DNER: variants seen among roughly 807,000 people sequenced by gnomAD.
DNER encodes delta and Notch-like epidermal growth factor-related receptor.
DNER carries 33 observed loss-of-function variants against 78.2 expected under a neutral mutation model. The observed-to-expected ratio is 0.42, with a 90% confidence interval of 0.32 to 0.56. DNER has a LOEUF of 0.56. Ranked by LOEUF, DNER falls within the 20% of genes least tolerant of loss-of-function variation. The pLI is 0.11. For missense variants in DNER, 918 were observed against 975.3 expected, an observed-to-expected ratio of 0.94 and a Z score of 0.78; for synonymous variants, 417 against 384.8, an observed-to-expected ratio of 1.08 and a Z score of -0.98.
intron 1 of DNER, among the ~76,000 whole-genome samples, chr2:229,669,369 C>CATACATATATATATATAT (rs1699168050): frequency 2.1e-5 from 3 of 144,748 alleles, no homozygotes; most frequent in Non-Finnish European, 3.0e-5. Flanking sequence ...TGTATACATA[C>CATACATATATATATATAT]ATATATATAT....
At chr2:229,459,012 T>A (rs1694635364) in intron 7 of DNER, among the ~76,000 whole-genome samples, 1 of 152,054 alleles carries the variant, frequency 6.6e-6, no homozygotes, top group Non-Finnish European at 1.5e-5. Context: ...TACTGGCATT[T>A]ATAATATTAT....
chr2:229,701,621 T>C (rs942207793), intron 1 of DNER, among the ~76,000 whole-genome samples: 1 of 152,234 alleles, frequency 6.6e-6, no homozygotes, highest in African/African-American at 2.4e-5. Flanking sequence ...ATTCCAGTGG[T>C]TCTTTTACAG....
rs1398907824 is a variant in DNER, at chr2:229,694,360, G to A, written c.276+19788C>T. The stretch of plus-strand genomic sequence containing the variant: ...AGAGTCCCCACTGGGGAGCTGCCTA[G>A]TGGAGCTGTGAGAAGAGAGCCACTG... On this transcript the variant is annotated intron_variant, in intron 1 of 12. Coordinates refer to ENST00000341772, the MANE Select transcript of DNER (RefSeq NM_139072.4). 8.5e-5 allele frequency among the ~76,000 whole-genome samples: 13 copies of A among 152,232 alleles called. 1 individual carries two copies.
chr2:229,569,473 G>A (rs1297533846), intron 4 of DNER, among the ~76,000 whole-genome samples: 1 of 152,112 alleles, frequency 6.6e-6, no homozygotes, highest in South Asian at 2.1e-4. Flanking sequence ...AGTGAGCCAA[G>A]ATCGAGCCAC....
chr2:229,373,547 T>G (rs1214145979), intron 11 of DNER, among the ~76,000 whole-genome samples: 1 of 152,144 alleles, frequency 6.6e-6, no homozygotes, highest in East Asian at 1.9e-4. Context: ...CTCAAAGAAT[T>G]TAGAACCACT....
intron 7 of DNER, among the ~76,000 whole-genome samples, chr2:229,455,688 G>T (rs1480174735): frequency 6.6e-6 from 1 of 152,062 alleles, no homozygotes; most frequent in Non-Finnish European, 1.5e-5. Flanking sequence ...TGGGAGGTAG[G>T]AGTGTCCCTG....
intron 8 of DNER, among the ~76,000 whole-genome samples, chr2:229,428,175 T>C (rs1693925056): frequency 6.7e-6 from 1 of 150,172 alleles, no homozygotes; most frequent in South Asian, 2.1e-4. Context: ...GGATACAAAA[T>C]CAGATTTGCA....
In DNER at chr2:229,703,964, G is replaced by C. The variant is rs541966903; in HGVS notation, c.276+10184C>G. 1.2e-3 allele frequency among the ~76,000 whole-genome samples: 184 copies of C among 151,912 alleles called. 3 individuals carry two copies. In the South Asian group the frequency reaches 0.036, roughly 30 times the overall value. ...AGGGAAAGGAGAAGCCACAGATTGGGAGAAAATATTTGCAAATCGCATATC... is the reference window on the plus strand; with the variant it reads ...AGGGAAAGGAGAAGCCACAGATTGGCAGAAAATATTTGCAAATCGCATATC... On this transcript the variant is annotated intron_variant, in intron 1 of 12. Coordinates refer to ENST00000341772, the MANE Select transcript of DNER (RefSeq NM_139072.4).
intron 11 of DNER, among the ~76,000 whole-genome samples, chr2:229,383,471 T>C (rs546031662): frequency 1.3e-5 from 2 of 152,040 alleles, no homozygotes; most frequent in African/African-American, 4.8e-5. Flanking sequence ...CAGTGGCAAA[T>C]TGCATAGAGT....
chr2:229,586,936 A>C (rs1697513561), intron 3 of DNER: 1 of 985,472 alleles, frequency 1.0e-6, no homozygotes, highest in Non-Finnish European at 1.2e-6. Flanking sequence ...TGAAAGCGTA[A>C]GGAGCTAGTA....
At chr2:229,642,069 T>C (rs1698635051) in intron 1 of DNER, among the ~76,000 whole-genome samples, 1 of 152,252 alleles carries the variant, frequency 6.6e-6, no homozygotes, top group Admixed American at 6.5e-5. Flanking sequence ...AAAGTCTCAC[T>C]TGTATCACTT....
chr2:229,462,811 A>C (rs1401165972), intron 7 of DNER, among the ~76,000 whole-genome samples: 1 of 152,082 alleles, frequency 6.6e-6, no homozygotes, highest in Non-Finnish European at 1.5e-5. Context: ...ATGCTTCAGA[A>C]GCTGGCCCCA....
chr2:229,500,606 C>A (rs377302794), intron 6 of DNER, among the ~76,000 whole-genome samples: 1 of 152,054 alleles, frequency 6.6e-6, no homozygotes, highest in African/African-American at 2.4e-5. Context: ...GCATTATTTA[C>A]GAATAGTCAA....
intron 1 of DNER, among the ~76,000 whole-genome samples, chr2:229,636,117 A>C (rs1698527424): frequency 1.3e-5 from 2 of 152,188 alleles, no homozygotes; most frequent in Admixed American, 1.3e-4. Context: ...TAACTCCTCC[A>C]AGGCATTGTT....
At chr2:229,513,062 T>C in intron 5 of DNER, 126 bp from the exon 6 acceptor site, 1 of 1,054,168 alleles carries the variant, frequency 9.5e-7, no homozygotes. Context: ...AAATCACTTA[T>C]GTCATAATCT....
intron 4 of DNER, among the ~76,000 whole-genome samples, chr2:229,564,288 C>T (rs1489019724): frequency 6.7e-6 from 1 of 149,560 alleles, no homozygotes; most frequent in Non-Finnish European, 1.5e-5. Context: ...ACCCCATCAC[C>T]ATCATCATCC....
intron 1 of DNER, among the ~76,000 whole-genome samples, chr2:229,595,440 C>T (rs995340609): frequency 2.0e-5 from 3 of 151,510 alleles, no homozygotes; most frequent in African/African-American, 7.3e-5. Flanking sequence ...TGCCACCACA[C>T]CTAGCTAATT....
At chr2:229,427,974 C>T (rs577395421) in intron 8 of DNER, among the ~76,000 whole-genome samples, 1 of 150,636 alleles carries the variant, frequency 6.6e-6, no homozygotes, top group South Asian at 2.1e-4. Flanking sequence ...ACTTGGGAGG[C>T]TGAGGCGGGA....
chr2:229,587,520 ATAC>A (rs1243907623), intron 3 of DNER, among the ~76,000 whole-genome samples: 1 of 152,230 alleles, frequency 6.6e-6, no homozygotes, highest in African/African-American at 2.4e-5. Flanking sequence ...ATGGCGATGG[ATAC>A]ATGGAAGAGA....
Sources: gnomAD v4.1 joint callset for allele counts (sites outside exome capture counted in the v4.1 genomes callset) on GRCh38, gnomAD v4.1.1 for gene constraint, MANE v1.5 for transcripts, NCBI Gene and HGNC (gene_info 2026-07-23, HGNC 2026-07-21) for gene names.